TMEM230: variants seen among roughly 807,000 people sequenced by gnomAD.
TMEM230 encodes transmembrane protein 230.
TMEM230 carries 10 observed loss-of-function variants against 15.8 expected under a neutral mutation model. The observed-to-expected ratio is 0.63, with a 90% CI of 0.39 to 1.07. The LOEUF (loss-of-function observed/expected upper bound fraction) is 1.07. TMEM230 is among the 50% of genes least tolerant of loss of function. The pLI is 0.01. For synonymous variants in TMEM230, 67 were observed against 76.9 expected (o/e 0.87, Z 0.68); for missense variants, 165 against 193.3 (o/e 0.85, Z 0.87).
the TMEM230 span, among the ~76,000 whole-genome samples, chr20:5,059,580 C>T: frequency 6.6e-6 from 1 of 151,712 alleles, no homozygotes; most frequent in East Asian, 1.9e-4. Flanking sequence ...TTAGTGATAG[C>T]CATATCCTTG....
intron 4 of TMEM230, among the ~76,000 whole-genome samples, chr20:5,105,041 T>C (rs577906733): frequency 3.9e-5 from 6 of 152,336 alleles, no homozygotes; most frequent in Admixed American, 2.0e-4. Flanking sequence ...TCCCAGCACT[T>C]TAGGAGGCCC....
exon 4 of TMEM230, chr20:5,069,109 T>G: frequency 8.3e-7 from 1 of 1,197,848 alleles, no homozygotes; most frequent in South Asian, 1.5e-5. Flanking sequence ...TCAGTCATTT[T>G]CATGCTGACG....
chr20:5,087,501 A>AT (rs199557428), intron 3 of TMEM230, among the ~76,000 whole-genome samples: 7,698 of 145,132 alleles, frequency 0.053, 573 homozygotes, highest in African/African-American at 0.17. Context: ...AAGAGGACAT[A>AT]TTTTTTTTTT....
chr20:5,092,479 A>T (rs1287135881), intron 3 of TMEM230, among the ~76,000 whole-genome samples: 1 of 152,154 alleles, frequency 6.6e-6, no homozygotes, highest in Non-Finnish European at 1.5e-5. Context: ...GCACTTTGGG[A>T]GGCCGACGCA....
In TMEM230 at chr20:5,108,288, G is replaced by A. The variant is rs369091154; in HGVS notation, c.288+1044C>T. Among the ~76,000 whole-genome samples, 411 of 151,928 alleles carry A rather than the reference G, an allele frequency of 2.7e-3. 3 individuals carry two copies. Among genetic ancestry groups the A allele is most frequent in the African/African-American group, 9.1e-3 (379 of 41,440 alleles). ...TACAAAATTAGCTGGGCGTGGTGGC[G>A]CATGCCCGTAATCCCAGCTACTTGG... On this transcript the variant is annotated intron_variant, in intron 3 of 4. Transcript: ENST00000342308.
chr20:5,063,369 CT>C (rs757229300), downstream of TMEM230, among the ~76,000 whole-genome samples: 11 of 137,402 alleles, frequency 8.0e-5, no homozygotes, highest in South Asian at 2.4e-4. Flanking sequence ...CTCACTGCAA[CT>C]TCTGCCTCCC....
intron 3 of TMEM230, among the ~76,000 whole-genome samples, chr20:5,093,532 C>A (rs945909243): frequency 6.7e-6 from 1 of 149,748 alleles, no homozygotes; most frequent in African/African-American, 2.5e-5. Context: ...TGAGCCACTG[C>A]GCCTGATTTA....
chr20:5,091,382 T>C (rs1156961076), intron 3 of TMEM230, among the ~76,000 whole-genome samples: 1 of 152,170 alleles, frequency 6.6e-6, no homozygotes, highest in Non-Finnish European at 1.5e-5. Flanking sequence ...GGCTAATTTT[T>C]GTATTTTTAG....
chr20:5,075,776 C>T (rs1013439603), intron 3 of TMEM230, among the ~76,000 whole-genome samples: 1 of 151,908 alleles, frequency 6.6e-6, no homozygotes, highest in African/African-American at 2.4e-5. Flanking sequence ...CCTATAGGGG[C>T]CCAACCTCAT....
At chr20:5,098,369 A>G (rs1323562149), downstream of TMEM230, 1 of 152,202 alleles carries the variant, frequency 6.6e-6, no homozygotes, top group Admixed American at 6.5e-5. Flanking sequence ...CAACATTATT[A>G]TGGAGGTTTA....
At chr20:5,083,949 G>A (rs564793977) in intron 3 of TMEM230, among the ~76,000 whole-genome samples, 45 of 152,162 alleles carry the variant, frequency 3.0e-4, no homozygotes, top group African/African-American at 9.9e-4. Flanking sequence ...TGACTATTTC[G>A]TCACCCAGGT....
chr20:5,109,533 G>T, intron 2 of TMEM230, 88 bp from the exon 2 acceptor site: 3 of 1,011,778 alleles, frequency 3.0e-6, no homozygotes, highest in Non-Finnish European at 4.5e-6. Flanking sequence ...TAGATGCTGT[G>T]CACTGGAGTT....
At chr20:5,090,282 G>A (rs1233277893) in intron 3 of TMEM230, among the ~76,000 whole-genome samples, 1 of 152,198 alleles carries the variant, frequency 6.6e-6, no homozygotes, top group African/African-American at 2.4e-5. Context: ...TGGCACAATG[G>A]GTAATGGGTG....
chr20:5,076,645 C>A (rs1383539802), intron 3 of TMEM230, among the ~76,000 whole-genome samples: 1 of 149,324 alleles, frequency 6.7e-6, no homozygotes, highest in African/African-American at 2.5e-5. Flanking sequence ...TCTGTGTATA[C>A]TTTGCCTGTT....
chr20:5,109,822 T>C (rs2090242036), intron 2 of TMEM230, among the ~76,000 whole-genome samples: 2 of 152,154 alleles, frequency 1.3e-5, no homozygotes, highest in Admixed American at 1.3e-4. Flanking sequence ...GACTTAAATC[T>C]AGGTCCACCT....
intron 4 of TMEM230, 79 bp downstream of exon 3, chr20:5,106,109 A>ACG: frequency 6.5e-7 from 1 of 1,532,626 alleles, no homozygotes; most frequent in Non-Finnish European, 8.8e-7. Flanking sequence ...ACACACACAC[A>ACG]CACACACACA....
intron 3 of TMEM230, among the ~76,000 whole-genome samples, chr20:5,078,755 C>T (rs907024163): frequency 5.3e-5 from 8 of 152,190 alleles, no homozygotes; most frequent in African/African-American, 1.9e-4. Flanking sequence ...GAAGTTCAAT[C>T]CAAACATGAG....
rs374122606 is a variant in TMEM230 at position 5,100,856 on chromosome 20, C to T, written c.487G>A (p.Ala163Thr). The change falls in exon 5 of 5, where the codon GCT (alanine) becomes ACT (threonine). Residue 163 changes from alanine to threonine, a missense_variant. Coordinates refer to ENST00000342308, the MANE Select transcript of TMEM230 (RefSeq NM_001009923.2). ...CGGTAGCCTTTGGATGCATAGTAAG[C>T]GATGCGCAGGTGGTAAAATCCGGGT... is the stretch of plus-strand genomic sequence containing the variant. 3.0e-5 allele frequency: 49 copies of T among 1,614,140 alleles called. No homozygotes were observed. Among genetic ancestry groups the T allele is most frequent in the Admixed American group, 8.3e-5 (5 of 60,006 alleles).
intron 3 of TMEM230, among the ~76,000 whole-genome samples, chr20:5,087,823 G>C (rs554704647): frequency 1.0e-3 from 156 of 148,700 alleles, no homozygotes; most frequent in Non-Finnish European, 1.6e-3. Flanking sequence ...CGGTGGAGTA[G>C]CTGGGATTAC....
Sources: allele counts gnomAD v4.1 joint callset (sites outside exome capture counted in the v4.1 genomes callset), GRCh38; gene constraint gnomAD v4.1.1; transcripts MANE v1.5; gene names NCBI Gene and HGNC (gene_info 2026-07-23, HGNC 2026-07-21).